MAPRE2: variants seen among roughly 807,000 people sequenced by gnomAD.
MAPRE2 encodes microtubule associated protein RP/EB family member 2.
Under a neutral mutation model 43.2 loss-of-function variants are expected in MAPRE2, and 13 were observed. The ratio of observed to expected loss-of-function variants is 0.30; its 90% CI spans 0.20 to 0.48. The LOEUF (loss-of-function observed/expected upper bound fraction) is 0.48, where lower values mean the gene tolerates loss of function less well. Ranked by LOEUF, MAPRE2 falls within the 20% of genes least tolerant of loss-of-function variation. The probability of loss-of-function intolerance (pLI) is 0.99; values close to 1 mark genes in which losing one functional copy is unlikely to be tolerated. For synonymous variants in MAPRE2, 135 were observed against 148.8 expected, an observed-to-expected ratio of 0.91 and a Z score of 0.68; for missense variants, 161 against 400.2, an observed-to-expected ratio of 0.40 and a Z score of 5.10.
At chr18:35,059,514 C>G (rs779004369) in intron 1 of MAPRE2, among the ~76,000 whole-genome samples, 11 of 152,222 alleles carry the variant, frequency 7.2e-5, no homozygotes, top group Non-Finnish European at 1.2e-4. Flanking sequence ...GTTCCAGACA[C>G]AGGAGATAAA....
intron 4 of MAPRE2, among the ~76,000 whole-genome samples, chr18:35,105,128 G>T (rs939973470): frequency 6.6e-6 from 1 of 152,014 alleles, no homozygotes; most frequent in African/African-American, 2.4e-5. Flanking sequence ...GCAGATAAAC[G>T]TGTGCCATTT....
chr18:35,114,359 C>T (rs1026529163), intron 4 of MAPRE2, among the ~76,000 whole-genome samples: 2 of 151,916 alleles, frequency 1.3e-5, no homozygotes, highest in Non-Finnish European at 2.9e-5. Context: ...TTTTTTTTAT[C>T]GTGATTTTTC....
chr18:35,121,368 A>G (rs543733375), intron 4 of MAPRE2, among the ~76,000 whole-genome samples: 51 of 152,338 alleles, frequency 3.3e-4, no homozygotes, highest in African/African-American at 1.2e-3. Context: ...TCCTAAAGGC[A>G]TTAATTAAGA....
Position 35,102,162 on chromosome 18 carries a change from A to G in MAPRE2, c.610+3A>G. On this transcript the variant is annotated splice_donor_region_variant and intron_variant, in intron 4 of 6. Transcript: ENST00000300249. The stretch of plus-strand genomic sequence containing the variant: ...CCATGCAAACTCCCCCACAGCAGGT[A>G]TTGTCACAATGAGATTGCGGGAGTT... 6.3e-7 allele frequency: 1 copy of G among 1,583,020 alleles called. No individual in the cohort carries two copies. Among genetic ancestry groups the G allele is most frequent in the Non-Finnish European group, 8.6e-7 (1 of 1,167,326 alleles).
chr18:34,992,771 G>A (rs1272069562), intron 1 of MAPRE2, among the ~76,000 whole-genome samples: 4 of 152,124 alleles, frequency 2.6e-5, no homozygotes, highest in Admixed American at 6.6e-5. Flanking sequence ...TTTAACATAT[G>A]GAGAATGCCA....
chr18:35,091,843 G>A lies in MAPRE2; in HGVS notation c.251-5603G>A, dbSNP rs909881617. ...TGATGTATTAGCCTATTCTTGCATT[G>A]CTATACAGAAATATCTGAGACTGGG... On this transcript the variant is annotated intron_variant, in intron 2 of 6. Transcript: ENST00000300249. Among the ~76,000 whole-genome samples, 8 of 152,272 alleles carry A rather than the reference G, an allele frequency of 5.3e-5. No homozygotes were observed. The South Asian group carries it at 1.2e-3, about 24-fold the overall frequency.
chr18:35,122,488 G>T (rs1399411291), intron 4 of MAPRE2, among the ~76,000 whole-genome samples: 1 of 152,160 alleles, frequency 6.6e-6, no homozygotes, highest in Non-Finnish European at 1.5e-5. Flanking sequence ...CCTGTTATCA[G>T]TTTTTCTCCG....
At chr18:34,998,452 A>G (rs1048880870) in intron 1 of MAPRE2, among the ~76,000 whole-genome samples, 1 of 149,274 alleles carries the variant, frequency 6.7e-6, no homozygotes, top group East Asian at 2.0e-4. Context: ...TCAGCCTCCC[A>G]AGTAGCTGGG....
rs534679074 is a variant in MAPRE2 at position 35,075,632 on chromosome 18, ATATAT to A, written c.250+5313_250+5317del. Among the ~76,000 whole-genome samples the A allele has an allele frequency of 1.0e-3, 156 of 152,286 alleles. 1 individual carries two copies. The highest frequency in any genetic ancestry group is 3.6e-3 in the African/African-American group (149 of 41,544). Reference sequence around the variant, plus strand: ...TAATGGAATATTATTCATACTTGTGATATATTACATAGAGTCTTTTTGGTTTTTTT... The same window carrying A: ...TAATGGAATATTATTCATACTTGTGATACATAGAGTCTTTTTGGTTTTTTT... On this transcript the variant is annotated intron_variant, in intron 2 of 6. Transcript: ENST00000300249.
intron 2 of MAPRE2, among the ~76,000 whole-genome samples, chr18:35,085,660 TATGAAG>T (rs1907841068): frequency 6.6e-6 from 1 of 152,210 alleles, no homozygotes; most frequent in African/African-American, 2.4e-5. Flanking sequence ...ATCTTGGTCA[TATGAAG>T]ATGAGCATCA....
At chr18:35,093,087 CTG>C (rs1165384734) in intron 2 of MAPRE2, among the ~76,000 whole-genome samples, 5 of 151,794 alleles carry the variant, frequency 3.3e-5, no homozygotes, top group Non-Finnish European at 5.9e-5. Context: ...TGGCGGGTGC[CTG>C]TAGTCCCAGT....
chr18:35,138,335 G>A (rs978775551), intron 6 of MAPRE2, among the ~76,000 whole-genome samples: 2 of 152,140 alleles, frequency 1.3e-5, no homozygotes, highest in African/African-American at 2.4e-5. Flanking sequence ...AAGAGATTGG[G>A]CCTAACGTTC....
chr18:35,056,513 A>G (rs923821281), intron 1 of MAPRE2, among the ~76,000 whole-genome samples: 2 of 152,188 alleles, frequency 1.3e-5, no homozygotes, highest in African/African-American at 2.4e-5. Context: ...CTCTAACCCT[A>G]GGAACCTAGA....
At chr18:35,057,101 G>A (rs964003716) in intron 1 of MAPRE2, among the ~76,000 whole-genome samples, 2 of 152,068 alleles carry the variant, frequency 1.3e-5, no homozygotes, top group Middle Eastern at 3.4e-3. Flanking sequence ...TGCATCCTCC[G>A]CCCCCCTGGT....
intron 1 of MAPRE2, 38 bp downstream of exon 1, chr18:35,041,699 C>G: frequency 6.2e-7 from 1 of 1,613,576 alleles, no homozygotes; most frequent in Non-Finnish European, 8.5e-7. Context: ...CGGGGACCGC[C>G]GTGAGGGCGC....
At chr18:35,024,195 C>T (rs2097043702) in intron 2 of MAPRE2, among the ~76,000 whole-genome samples, 1 of 152,204 alleles carries the variant, frequency 6.6e-6, no homozygotes, top group Admixed American at 6.5e-5. Context: ...ATTAGAAGCA[C>T]TCAGAGTTCT....
At chr18:35,023,464 A>T (rs1449537765) in intron 2 of MAPRE2, among the ~76,000 whole-genome samples, 6 of 151,776 alleles carry the variant, frequency 4.0e-5, no homozygotes, top group African/African-American at 1.5e-4. Flanking sequence ...GTGAGCAGAG[A>T]TTGCGCCACT....
intron 4 of MAPRE2, among the ~76,000 whole-genome samples, chr18:35,123,324 T>C (rs1909770545): frequency 6.6e-6 from 1 of 152,238 alleles, no homozygotes; most frequent in Non-Finnish European, 1.5e-5. Context: ...TCAGACTGGA[T>C]AAGGCCAGAT....
At chr18:35,050,241 A>T (rs1412506221) in intron 1 of MAPRE2, among the ~76,000 whole-genome samples, 1 of 152,224 alleles carries the variant, frequency 6.6e-6, no homozygotes, top group Non-Finnish European at 1.5e-5. Flanking sequence ...TTAAAATTAA[A>T]TAAGTTTCAG....
Sources: gnomAD v4.1 joint callset for allele counts (sites outside exome capture counted in the v4.1 genomes callset) on GRCh38, gnomAD v4.1.1 for gene constraint, MANE v1.5 for transcripts, NCBI Gene and HGNC (gene_info 2026-07-23, HGNC 2026-07-21) for gene names.